The following CDH12 variants were observed in gnomAD, a reference collection of about 807,000 sequenced individuals.
CDH12 encodes the protein cadherin 12.
CDH12 carries 41 observed loss-of-function variants against 74.1 expected under a neutral mutation model. That is an observed-to-expected ratio of 0.55 (90% CI 0.43 to 0.72). The LOEUF is 0.72. Among genes scored for constraint, CDH12 ranks in the 30% least tolerant of loss-of-function variants. CDH12 has a pLI of 0.00. For missense variants in CDH12, 945 were observed against 977.2 expected, an observed-to-expected ratio of 0.97 and a Z score of 0.44; for synonymous variants, 399 against 355.0, an observed-to-expected ratio of 1.12 and a Z score of -1.39.
chr5:22,230,586 C>G (rs770399865), intron 3 of CDH12, among the ~76,000 whole-genome samples: 2 of 151,600 alleles, frequency 1.3e-5, no homozygotes, highest in African/African-American at 2.4e-5. Context: ...TTCTCCTGCC[C>G]CAGCCTCCCG....
At chr5:21,934,388 G>C (rs1291050892) in intron 6 of CDH12, among the ~76,000 whole-genome samples, 2 of 152,166 alleles carry the variant, frequency 1.3e-5, no homozygotes, top group Non-Finnish European at 2.9e-5. Context: ...TGTAATATGT[G>C]ATAATATGTA....
intron 2 of CDH12, among the ~76,000 whole-genome samples, chr5:22,423,206 T>TAA (rs58915238): frequency 0.36 from 43,159 of 120,864 alleles, 8,053 homozygotes; most frequent in Non-Finnish European, 0.47. Flanking sequence ...GTAAACACAG[T>TAA]AAAAAAAAAA....
intron 1 of CDH12, among the ~76,000 whole-genome samples, chr5:22,756,146 T>C (rs1360046799): frequency 6.6e-6 from 1 of 151,400 alleles, no homozygotes; most frequent in Non-Finnish European, 1.5e-5. Flanking sequence ...ATGGACTGCT[T>C]TGCTTTGCTG....
intron 1 of CDH12, among the ~76,000 whole-genome samples, chr5:22,686,983 T>C (rs1040249637): frequency 6.6e-6 from 1 of 152,182 alleles, no homozygotes; most frequent in Non-Finnish European, 1.5e-5. Flanking sequence ...AAATACCTGA[T>C]GAGGTAATTC....
At chr5:22,774,179 T>A (rs1163449783) in intron 1 of CDH12, among the ~76,000 whole-genome samples, 2 of 152,170 alleles carry the variant, frequency 1.3e-5, no homozygotes, top group Non-Finnish European at 2.9e-5. Context: ...TGCACATGTA[T>A]GTTCATTGTA....
chr5:22,348,014 C>T (rs192311431), intron 3 of CDH12, among the ~76,000 whole-genome samples: 31 of 152,282 alleles, frequency 2.0e-4, no homozygotes, highest in African/African-American at 6.7e-4. Context: ...GTTCACCTTC[C>T]AACAACCAGA....
In CDH12 at chr5:22,748,907, G is replaced by A. The variant is rs1265588335; in HGVS notation, c.-523+104151C>T. 2.0e-5 allele frequency among the ~76,000 whole-genome samples: 3 copies of A among 152,214 alleles called. No individual in the cohort carries two copies. In the East Asian group the frequency reaches 5.8e-4, roughly 29 times the overall value. ...CAGTTATTGACTGCCTTCATGCCAG[G>A]CTATTTTTGCTGGAGTCACAATACC... On this transcript the variant is annotated intron_variant, in intron 1 of 14. Transcript: ENST00000382254.
chr5:22,430,775 G>T (rs972487072), intron 2 of CDH12, among the ~76,000 whole-genome samples: 2 of 152,058 alleles, frequency 1.3e-5, no homozygotes, highest in African/African-American at 4.8e-5. Context: ...AGCCAGTGAT[G>T]ATTTGTTTTG....
chr5:22,090,419 A>G (rs544855297), intron 4 of CDH12, among the ~76,000 whole-genome samples: 323 of 151,792 alleles, frequency 2.1e-3, no homozygotes, highest in South Asian at 3.5e-3. Flanking sequence ...AAATTTCAGA[A>G]CAAGATGTCT....
At chr5:21,935,297 T>A (rs1755027970) in intron 6 of CDH12, among the ~76,000 whole-genome samples, 1 of 152,168 alleles carries the variant, frequency 6.6e-6, no homozygotes, top group Non-Finnish European at 1.5e-5. Context: ...TAATACTAGT[T>A]ATTAAAAATA....
chr5:22,605,215 G>A (rs981547204), intron 1 of CDH12, among the ~76,000 whole-genome samples: 14 of 152,154 alleles, frequency 9.2e-5, no homozygotes, highest in Admixed American at 3.3e-4. Flanking sequence ...TGTGCACTCC[G>A]AGGCGTGGAG....
intron 3 of CDH12, among the ~76,000 whole-genome samples, chr5:22,322,366 T>TTAA (rs1554031528): frequency 1.3e-5 from 2 of 148,626 alleles, no homozygotes; most frequent in Non-Finnish European, 3.0e-5. Flanking sequence ...CAGCTTTATT[T>TTAA]AAAAAAAAAA....
intron 1 of CDH12, among the ~76,000 whole-genome samples, chr5:22,640,241 T>G (rs543923725): frequency 6.6e-6 from 1 of 152,294 alleles, no homozygotes; most frequent in South Asian, 2.1e-4. Flanking sequence ...AGAGAGACGA[T>G]ATTACTTTTT....
chr5:22,561,497 A>C (rs1434340261), intron 1 of CDH12, among the ~76,000 whole-genome samples: 1 of 152,166 alleles, frequency 6.6e-6, no homozygotes, highest in Non-Finnish European at 1.5e-5. Flanking sequence ...AAAAGACAAT[A>C]AAATCTGTAT....
At chr5:21,839,238 C>CT (rs1197049310) in intron 8 of CDH12, among the ~76,000 whole-genome samples, 2 of 152,094 alleles carry the variant, frequency 1.3e-5, no homozygotes, top group Admixed American at 1.3e-4. Flanking sequence ...TTTTATATCT[C>CT]TTTTTTCCTG....
chr5:22,538,213 A>C (rs1196205507), intron 1 of CDH12, among the ~76,000 whole-genome samples: 3 of 152,102 alleles, frequency 2.0e-5, no homozygotes, highest in Non-Finnish European at 2.9e-5. Flanking sequence ...ACAGTCTAAA[A>C]ATCCTCATTT....
At position 22,117,523 on chromosome 5, in the gene CDH12, A is replaced by ATATATATAAT. The variant is rs1347655379; in HGVS notation, c.-186-38662_-186-38661insATTATATATA. Among the ~76,000 whole-genome samples the ATATATATAAT allele has an allele frequency of 5.2e-4, 34 of 65,564 alleles. 1 individual carries two copies. The highest frequency in any genetic ancestry group is 2.1e-3 in the African/African-American group (34 of 16,560). The allele number at this position is 65,564 out of a possible 152,430, so 43.0% of individuals were successfully genotyped here. On this transcript the variant is annotated intron_variant, in intron 4 of 14. Transcript: ENST00000382254. ...TATAATATATATATAATATATATAT[A>ATATATATAAT]ATATATATATATATATATAGTGTGT...
At chr5:22,539,707 T>G (rs1398978341) in intron 1 of CDH12, among the ~76,000 whole-genome samples, 2 of 152,226 alleles carry the variant, frequency 1.3e-5, no homozygotes, top group Non-Finnish European at 1.5e-5. Context: ...TAATTTGTCC[T>G]TGAGAGTGTA....
intron 3 of CDH12, among the ~76,000 whole-genome samples, chr5:22,379,809 G>A (rs1741684121): frequency 1.3e-5 from 2 of 152,140 alleles, no homozygotes. Context: ...TGGCCAGAGT[G>A]CAAAGGTTTC....
Sources: allele counts gnomAD v4.1 joint callset (sites outside exome capture counted in the v4.1 genomes callset), GRCh38; gene constraint gnomAD v4.1.1; transcripts MANE v1.5; gene names NCBI Gene and HGNC (gene_info 2026-07-23, HGNC 2026-07-21).